The following CNOT4 variants were observed in gnomAD, a reference collection of about 807,000 sequenced individuals.
The protein encoded by CNOT4 is CCR4-NOT transcription complex subunit 4, also known as CCR4-associated factor 4.
Under a neutral mutation model 73.8 loss-of-function variants are expected in CNOT4, and 8 were observed. The observed-to-expected ratio is 0.11, with a 90% CI of 0.06 to 0.20. The LOEUF (loss-of-function observed/expected upper bound fraction) is 0.20. CNOT4 is among the 10% of genes least tolerant of loss of function. CNOT4 has a pLI of 1.00. For synonymous variants in CNOT4, 293 were observed against 321.1 expected, an observed-to-expected ratio of 0.91 and a Z score of 0.94; for missense variants, 564 against 883.4, an observed-to-expected ratio of 0.64 and a Z score of 4.58.
intron 1 of CNOT4, among the ~76,000 whole-genome samples, chr7:135,448,338 T>G (rs1407897479): frequency 6.6e-6 from 1 of 151,466 alleles, no homozygotes. Flanking sequence ...AGGTCAGGAG[T>G]TCGAGACCAG....
At position 135,394,176 on chromosome 7, in the gene CNOT4, C is replaced by G; in HGVS notation, c.1369G>C (p.Ala457Pro). 1.9e-6 allele frequency: 3 copies of G among 1,614,158 alleles called. No homozygotes were observed. Among genetic ancestry groups the G allele is most frequent in the South Asian group, 1.1e-5 (1 of 91,082 alleles). ...AGAGAATTGGCATTTGTAGCTGCAG[C>G]AGGATGCAGGAATCCAGAGCCTGGA... ...KGPGSGFLHPAAATNANSLNS... is the reference protein window; with the variant it reads ...KGPGSGFLHPPAATNANSLNS... The change falls in exon 10 of 12, where the codon GCT (alanine) becomes CCT (proline). Residue 457 changes from alanine to proline, a missense_variant. By Grantham distance (27) the Ala-to-Pro change is conservative. Coordinates refer to ENST00000541284, the MANE Select transcript of CNOT4 (RefSeq NM_001190850.2).
At chr7:135,428,899 T>C (rs751123140) in intron 2 of CNOT4, among the ~76,000 whole-genome samples, 2 of 152,198 alleles carry the variant, frequency 1.3e-5, no homozygotes, top group Non-Finnish European at 2.9e-5. Flanking sequence ...CTTTTTGGAA[T>C]TGGCTAATTT....
At chr7:135,388,911 C>A in intron 10 of CNOT4, 2 of 1,611,540 alleles carry the variant, frequency 1.2e-6, no homozygotes, top group South Asian at 2.2e-5. Flanking sequence ...AAAAGTCAGT[C>A]ATGGTCTAGT....
chr7:135,365,090 T>A (rs943198414), intron 10 of CNOT4, among the ~76,000 whole-genome samples: 1 of 152,254 alleles, frequency 6.6e-6, no homozygotes, highest in Non-Finnish European at 1.5e-5. Context: ...AGGAGGATGT[T>A]CTAACAGGCA....
intron 9 of CNOT4, 37 bp from the exon 10 acceptor site, chr7:135,394,452 A>G (rs547067754): frequency 1.3e-6 from 2 of 1,508,556 alleles, no homozygotes; most frequent in Admixed American, 2.0e-5. Flanking sequence ...TATCAGATAC[A>G]TAGCTCATTT....
At chr7:135,385,328 A>C (rs1197596245) in intron 10 of CNOT4, among the ~76,000 whole-genome samples, 1 of 151,994 alleles carries the variant, frequency 6.6e-6, no homozygotes, top group African/African-American at 2.4e-5. Flanking sequence ...CCCTATCCCA[A>C]CCCCTATAGG....
intron 1 of CNOT4, among the ~76,000 whole-genome samples, chr7:135,463,849 A>G (rs1468250708): frequency 6.6e-6 from 1 of 151,936 alleles, no homozygotes; most frequent in Non-Finnish European, 1.5e-5. Context: ...AAAACAAACA[A>G]TCTCATTAAA....
Position 135,362,436 on chromosome 7 carries a change from T to G in CNOT4, c.*449A>C. On this transcript the variant is annotated 3_prime_UTR_variant, in exon 12 of 12. Coordinates refer to ENST00000541284, the MANE Select transcript of CNOT4 (RefSeq NM_001190850.2). ...AATACAAGATGGATGCTAGGACCAC[T>G]GCTTTCCCCCATGCATTTAGCAATC... is the stretch of plus-strand genomic sequence containing the variant. 3.6e-6 allele frequency: 1 copy of G among 274,814 alleles called. No individual in the cohort carries two copies. Among genetic ancestry groups the G allele is most frequent in the Non-Finnish European group, 7.1e-6 (1 of 140,090 alleles). 17.0% of individuals were successfully genotyped at this position (274,814 alleles called of 1,614,324 possible).
intron 10 of CNOT4, among the ~76,000 whole-genome samples, chr7:135,382,366 G>A (rs1795895250): frequency 6.6e-6 from 1 of 152,140 alleles, no homozygotes; most frequent in Admixed American, 6.5e-5. Flanking sequence ...AAATCACAGG[G>A]TGATAAGGAG....
At chr7:135,393,029 TACTTGAGAGAATCATGATTCTATTTC>T (rs1185663764) in intron 10 of CNOT4, among the ~76,000 whole-genome samples, 2 of 152,186 alleles carry the variant, frequency 1.3e-5, no homozygotes, top group African/African-American at 2.4e-5. Context: ...TATTGTATTC[TACTTGAGAGAATCATGATTCTATTTC>T]ACTTGAGAGA....
At chr7:135,411,329 T>G (rs1797579138) in intron 6 of CNOT4, among the ~76,000 whole-genome samples, 1 of 152,022 alleles carries the variant, frequency 6.6e-6, no homozygotes, top group African/African-American at 2.4e-5. Context: ...TTACATATTG[T>G]ATTTGGCTGC....
intron 10 of CNOT4, 122 bp downstream of exon 10, chr7:135,393,796 A>T: frequency 1.5e-6 from 1 of 682,022 alleles, no homozygotes; most frequent in Non-Finnish European, 2.6e-6. Flanking sequence ...GATAAAGACT[A>T]ATCTTTCATA....
chr7:135,503,853 T>A (rs1804165902), intron 1 of CNOT4, among the ~76,000 whole-genome samples: 1 of 152,164 alleles, frequency 6.6e-6, no homozygotes, highest in Non-Finnish European at 1.5e-5. Context: ...TTATACAACT[T>A]CAATTAGAGC....
intron 1 of CNOT4, among the ~76,000 whole-genome samples, chr7:135,484,521 T>C (rs760994302): frequency 2.6e-5 from 4 of 152,032 alleles, no homozygotes; most frequent in Admixed American, 1.3e-4. Context: ...CTTTGAGAGC[T>C]GAGTCGGGCA....
chr7:135,481,776 T>C (rs1386747908), intron 1 of CNOT4, among the ~76,000 whole-genome samples: 3 of 152,220 alleles, frequency 2.0e-5, no homozygotes, highest in Non-Finnish European at 4.4e-5. Flanking sequence ...ATCATGTCAT[T>C]TGCAGCAACA....
At chr7:135,389,880 G>A (rs954297307) in intron 10 of CNOT4, among the ~76,000 whole-genome samples, 3 of 152,116 alleles carry the variant, frequency 2.0e-5, no homozygotes, top group Admixed American at 2.0e-4. Flanking sequence ...AAAAGAGTCT[G>A]TCAATCCATA....
chr7:135,402,723 A>ATTC (rs1210705223), intron 7 of CNOT4, among the ~76,000 whole-genome samples: 2 of 151,802 alleles, frequency 1.3e-5, no homozygotes, highest in African/African-American at 4.9e-5. Context: ...TTTACAGATA[A>ATTC]AGAAATCAAA....
intron 3 of CNOT4, among the ~76,000 whole-genome samples, chr7:135,416,185 C>A (rs1196362848): frequency 6.6e-6 from 1 of 152,080 alleles, no homozygotes; most frequent in Non-Finnish European, 1.5e-5. Flanking sequence ...TGTAACTATT[C>A]AAGTGTGTGT....
At position 135,439,691 on chromosome 7, in the gene CNOT4, C is replaced by T. The variant is rs149071114; in HGVS notation, c.-92-1268G>A. On this transcript the variant is annotated intron_variant, in intron 1 of 11. Transcript: ENST00000541284. ...CTACTTGGGAGGCTTGAAGCAGGAGCATCGCTTGAGCCCAGGAGTTCAAGG... is the reference window on the plus strand; with the variant it reads ...CTACTTGGGAGGCTTGAAGCAGGAGTATCGCTTGAGCCCAGGAGTTCAAGG... 3.5e-3 allele frequency among the ~76,000 whole-genome samples: 534 copies of T among 152,222 alleles called. 4 individuals are homozygous for T. Among genetic ancestry groups the T allele is most frequent in the African/African-American group, 0.012 (507 of 41,544 alleles).
Sources: allele counts gnomAD v4.1 joint callset (sites outside exome capture counted in the v4.1 genomes callset), GRCh38; gene constraint gnomAD v4.1.1; transcripts MANE v1.5; gene names NCBI Gene and HGNC (gene_info 2026-07-23, HGNC 2026-07-21).